DNPEP: variants seen among roughly 807,000 people sequenced by gnomAD.
DNPEP encodes aspartyl aminopeptidase.
Under a neutral mutation model 59.1 loss-of-function variants are expected in DNPEP, and 46 were observed. That is an observed-to-expected ratio of 0.78 (90% CI 0.61 to 0.99). DNPEP has a LOEUF of 0.99. Ranked by LOEUF, DNPEP falls within the 50% of genes least tolerant of loss-of-function variation. DNPEP has a pLI of 0.00. For synonymous variants in DNPEP, 229 were observed against 242.2 expected (o/e 0.95, Z 0.50); for missense variants, 617 against 649.9 (o/e 0.95, Z 0.55).
intron 5 of DNPEP, 84 bp downstream of exon 5, chr2:219,386,202 C>A (rs1166616417): frequency 1.2e-6 from 2 of 1,609,864 alleles, no homozygotes; most frequent in African/African-American, 2.7e-5. Context: ...AGACTGCCCC[C>A]ACCCCTCTTC....
chr2:219,378,389 C>G (rs1953455998), intron 13 of DNPEP, among the ~76,000 whole-genome samples: 1 of 152,186 alleles, frequency 6.6e-6, no homozygotes, highest in Admixed American at 6.5e-5. Flanking sequence ...CTGGCTGGGA[C>G]CCTCCCATAG....
chr2:219,386,233 T>C (rs1953824488), intron 5 of DNPEP, 53 bp downstream of exon 5: 2 of 1,612,418 alleles, frequency 1.2e-6, no homozygotes, highest in Admixed American at 1.7e-5. Flanking sequence ...CCCTGAGGAG[T>C]GTGGCAGTCA....
chr2:219,382,112 G>A lies in DNPEP; in HGVS notation c.964C>T (p.Gln322Ter), dbSNP rs772570256. 4 of 1,612,474 alleles carry A rather than the reference G, an allele frequency of 2.5e-6. No individual in the cohort carries two copies. Among genetic ancestry groups the A allele is most frequent in the South Asian group, 1.1e-5 (1 of 91,088 alleles). The change falls in exon 11 of 15, where the codon CAG becomes TAG. Residue 322 changes from glutamine (Q) to a stop codon, truncating the protein, a stop_gained. Coordinates refer to ENST00000273075, the MANE Select transcript of DNPEP (RefSeq NM_012100.4). LOFTEE classifies it high-confidence loss of function. ...EVGSESAQGA[Q>*]SLLTELVLRR... Reference sequence around the variant, plus strand: ...AGCACCAGCTCTGTCAGCAGTGACTGTGCTCCCTGTGCACTCTCAGACCCC... The same window carrying A: ...AGCACCAGCTCTGTCAGCAGTGACTATGCTCCCTGTGCACTCTCAGACCCC...
upstream of DNPEP, among the ~76,000 whole-genome samples, chr2:219,391,246 T>G (rs1954011503): frequency 6.6e-6 from 1 of 152,210 alleles, no homozygotes; most frequent in South Asian, 2.1e-4. Context: ...TCTGAGAGAC[T>G]GTATATGTCA....
At position 219,381,129 on chromosome 2, in the gene DNPEP, G is replaced by A. The variant is rs545928456; in HGVS notation, c.1239+206C>T. 5.9e-5 allele frequency among the ~76,000 whole-genome samples: 9 copies of A among 152,330 alleles called. No individual in the cohort carries two copies. In the South Asian group the frequency reaches 1.9e-3, roughly 32 times the overall value. On this transcript the variant is annotated intron_variant, in intron 13 of 14. Coordinates refer to ENST00000273075, the MANE Select transcript of DNPEP (RefSeq NM_012100.4). Reference sequence around the variant, plus strand: ...GGAAACTGAGACTCAGAAAGGTTAGGAGACTAGTCCAAGGTCACACAGCTA... The same window carrying A: ...GGAAACTGAGACTCAGAAAGGTTAGAAGACTAGTCCAAGGTCACACAGCTA...
intron 1 of DNPEP, chr2:219,399,719 G>A: frequency 1.5e-6 from 1 of 664,940 alleles, no homozygotes; most frequent in Non-Finnish European, 2.6e-6. Context: ...TCGAGGTCTG[G>A]TTTGTTAGCA....
At chr2:219,384,626 T>C in intron 8 of DNPEP, 183 bp from the exon 9 acceptor site, 1 of 497,014 alleles carries the variant, frequency 2.0e-6, no homozygotes, top group Non-Finnish European at 3.7e-6. Flanking sequence ...TGAAGTGCAA[T>C]GGCTCGATCT....
chr2:219,387,524 G>C (rs1574993155), intron 1 of DNPEP: 1 of 1,441,318 alleles, frequency 6.9e-7, no homozygotes, highest in East Asian at 2.6e-5. Flanking sequence ...ACCCAGCCCG[G>C]AGCCAAAGCC....
Position 219,382,142 on chromosome 2 carries a change from G to A in DNPEP, c.937-3C>T. The A allele has an allele frequency of 1.2e-6, 2 of 1,608,112 alleles. No individual in the cohort carries two copies. Among genetic ancestry groups the A allele is most frequent in the East Asian group, 2.2e-5 (1 of 44,874 alleles). ...CCCTGTGCACTCTCAGACCCCACCT[G>A]GCGACAGTAGAGTCCTGACTCTGGG... On this transcript the variant is annotated splice_region_variant and splice_polypyrimidine_tract_variant and intron_variant, in intron 10 of 14. Coordinates refer to ENST00000273075, the MANE Select transcript of DNPEP (RefSeq NM_012100.4).
chr2:219,384,137 CCTT>C (rs1953711580), intron 9 of DNPEP, among the ~76,000 whole-genome samples: 1 of 152,224 alleles, frequency 6.6e-6, no homozygotes, highest in Non-Finnish European at 1.5e-5. Context: ...AACTTCTCCT[CCTT>C]CTTCTTGCCT....
chr2:219,381,796 G>A, intron 11 of DNPEP, 183 bp downstream of exon 11: 1 of 853,910 alleles, frequency 1.2e-6, no homozygotes, highest in Non-Finnish European at 1.8e-6. Context: ...ACACACCTGG[G>A]TTAGGCATTG....
intron 1 of DNPEP, chr2:219,387,545 A>G: frequency 1.4e-6 from 2 of 1,408,974 alleles, no homozygotes; most frequent in Non-Finnish European, 1.9e-6. Flanking sequence ...CTGTACCCCA[A>G]GGAGCACCCT....
upstream of DNPEP, chr2:219,388,691 C>T: frequency 1.0e-6 from 1 of 985,742 alleles, no homozygotes; most frequent in South Asian, 4.7e-5. Context: ...AAGCTCGCCC[C>T]TCCAGCTCAC....
rs1953875117 is a variant in DNPEP at position 219,387,055 on chromosome 2, C to T, written c.130+15G>A. The T allele has an allele frequency of 4.3e-6, 7 of 1,609,642 alleles. No homozygotes were observed. Among genetic ancestry groups the T allele is most frequent in the Non-Finnish European group, 5.1e-6 (6 of 1,177,696 alleles). Reference sequence around the variant, plus strand: ...TCAGCCTCCACCCTCCTCCCTTGCCCTGGCCACCGCTTACCATGGAAAGGA... The same window carrying T: ...TCAGCCTCCACCCTCCTCCCTTGCCTTGGCCACCGCTTACCATGGAAAGGA... On this transcript the variant is annotated intron_variant, in intron 2 of 14. Transcript: ENST00000273075.
At chr2:219,384,517 T>C (rs1488945020) in intron 8 of DNPEP, 74 bp from the exon 9 acceptor site, 1 of 1,330,224 alleles carries the variant, frequency 7.5e-7, no homozygotes, top group African/African-American at 1.5e-5. Context: ...CCCAAGGGTC[T>C]CCTTGGTTTC....
At chr2:219,377,413 G>C (rs1953419449) in intron 13 of DNPEP, among the ~76,000 whole-genome samples, 1 of 151,084 alleles carries the variant, frequency 6.6e-6, no homozygotes. Flanking sequence ...ATATCCAGAA[G>C]TTTCTTGAAT....
chr2:219,387,928 C>A, upstream of DNPEP: 1 of 1,372,106 alleles, frequency 7.3e-7, no homozygotes, highest in South Asian at 1.6e-5. Context: ...CCGCGCCGCC[C>A]CGCCCCATGT....
chr2:219,391,169 A>T (rs1306386554), upstream of DNPEP, among the ~76,000 whole-genome samples: 2 of 152,204 alleles, frequency 1.3e-5, no homozygotes, highest in Non-Finnish European at 2.9e-5. Flanking sequence ...CTGGGTTTGC[A>T]GGGTAATCCA....
chr2:219,387,736 T>A, intron 1 of DNPEP, 23 bp downstream of exon 1: 1 of 1,607,690 alleles, frequency 6.2e-7, no homozygotes, highest in Non-Finnish European at 8.5e-7. Context: ...GAAATTCAAG[T>A]GGGGCCGTCG....
Sources: allele counts gnomAD v4.1 joint callset (sites outside exome capture counted in the v4.1 genomes callset), GRCh38; gene constraint gnomAD v4.1.1; transcripts MANE v1.5; gene names NCBI Gene and HGNC (gene_info 2026-07-23, HGNC 2026-07-21).